LAMA3: variants seen among roughly 807,000 people sequenced by gnomAD.
The protein encoded by LAMA3 is laminin subunit alpha-3.
Under a neutral mutation model 402.0 loss-of-function variants are expected in LAMA3, and 281 were observed. That is an observed-to-expected ratio of 0.70 (90% CI 0.63 to 0.77). The LOEUF is 0.77. Ranked by LOEUF, LAMA3 falls within the 30% of genes least tolerant of loss-of-function variation. The pLI is 0.00. For missense variants in LAMA3, 3,840 were observed against 4,215.5 expected, an observed-to-expected ratio of 0.91 and a Z score of 2.47; for synonymous variants, 1,431 against 1,558.4, an observed-to-expected ratio of 0.92 and a Z score of 1.93.
chr18:23,716,449 G>A (rs2061101473), intron 2 of LAMA3, among the ~76,000 whole-genome samples: 1 of 152,266 alleles, frequency 6.6e-6, no homozygotes, highest in Admixed American at 6.5e-5. Flanking sequence ...GTAAGCCACC[G>A]TGACTGGCCT....
At position 23,909,525 on chromosome 18, in the gene LAMA3, C is replaced by T. The variant is rs377478217; in HGVS notation, c.7158+230C>T. ...ATCAGGATCCTGAAGCAATTTGCCC[C>T]CATTGAGTTTATTCAGGCAGAAAGA... On this transcript the variant is annotated intron_variant, in intron 55 of 74. Coordinates refer to ENST00000313654, the MANE Select transcript of LAMA3 (RefSeq NM_198129.4). 2.4e-3 allele frequency among the ~76,000 whole-genome samples: 367 copies of T among 152,282 alleles called. 2 individuals are homozygous for T. The highest frequency in any genetic ancestry group is 8.5e-3 in the African/African-American group (355 of 41,550).
chr18:23,846,581 C>T (rs544998252), intron 31 of LAMA3, 73 bp downstream of exon 31: 17 of 1,351,302 alleles, frequency 1.3e-5, no homozygotes, highest in East Asian at 7.4e-5. Context: ...GAGCAGGCTT[C>T]TTCAGTGGCA....
intron 31 of LAMA3, among the ~76,000 whole-genome samples, chr18:23,847,149 C>G (rs555038329): frequency 1.3e-5 from 2 of 152,312 alleles, no homozygotes; most frequent in South Asian, 2.1e-4. Context: ...CTTCAGGGAG[C>G]CTGAGAGCAG....
At chr18:23,717,153 A>C (rs1455177739) in intron 2 of LAMA3, among the ~76,000 whole-genome samples, 1 of 152,176 alleles carries the variant, frequency 6.6e-6, no homozygotes, top group Non-Finnish European at 1.5e-5. Context: ...TTGGAGCATG[A>C]CATGTTTTAA....
At chr18:23,788,251 G>C (rs1465690208) in intron 12 of LAMA3, among the ~76,000 whole-genome samples, 1 of 151,846 alleles carries the variant, frequency 6.6e-6, no homozygotes, top group Non-Finnish European at 1.5e-5. Context: ...TTAATATAGA[G>C]AGACATAATA....
chr18:23,735,992 A>G (rs1196492545), intron 2 of LAMA3, among the ~76,000 whole-genome samples: 1 of 152,064 alleles, frequency 6.6e-6, no homozygotes, highest in Non-Finnish European at 1.5e-5. Context: ...TTATTTGTTA[A>G]TTGGTTCAGA....
At chr18:23,836,896 A>G (rs927639264) in intron 24 of LAMA3, 85 bp from the exon 25 acceptor site, 3 of 929,530 alleles carry the variant, frequency 3.2e-6, no homozygotes, top group African/African-American at 3.2e-5. Context: ...GGTGAAACCA[A>G]AGAGCCATCA....
In LAMA3 at chr18:23,876,377, T is replaced by A; in HGVS notation, c.5082T>A (p.Asn1694Lys). Residue 1694 changes from asparagine to lysine, a missense_variant, in exon 39 of 75, where the codon AAT (asparagine) becomes AAA (lysine). Physicochemically the swap from Asn to Lys is moderately conservative, Grantham distance 94. Transcript: ENST00000313654. ...CCTGCAATTGCAACGGACATTCAAA[T>A]CAATGCCAGGATGGCTCAGGCATAT... ...CVPCNCNGHSNQCQDGSGICV... is the reference protein window; with the variant it reads ...CVPCNCNGHSKQCQDGSGICV... 1 of 1,613,636 alleles carries A rather than the reference T, an allele frequency of 6.2e-7. No individual in the cohort carries two copies. Among genetic ancestry groups the A allele is most frequent in the Non-Finnish European group, 8.5e-7 (1 of 1,179,484 alleles).
At chr18:23,785,775 C>T (rs958082433) in intron 12 of LAMA3, among the ~76,000 whole-genome samples, 1 of 152,094 alleles carries the variant, frequency 6.6e-6, no homozygotes, top group African/African-American at 2.4e-5. Context: ...TTTTTTCCTC[C>T]TCTCTACCAG....
intron 32 of LAMA3, among the ~76,000 whole-genome samples, chr18:23,850,382 G>C (rs1360909306): frequency 1.3e-5 from 2 of 152,186 alleles, no homozygotes; most frequent in Non-Finnish European, 2.9e-5. Context: ...TGTAGTTTTA[G>C]AGGCAATAAG....
rs370456236 is a variant in LAMA3 at position 23,750,969 on chromosome 18, T to C, written c.736T>C (p.Ser246Pro). 4 of 1,614,042 alleles carry C rather than the reference T, an allele frequency of 2.5e-6. No individual in the cohort carries two copies. The highest frequency in any genetic ancestry group is 3.4e-6 in the Non-Finnish European group (4 of 1,180,038). ...GRPGAKNFTF[S>P]HTLREFTKAT... The stretch of plus-strand genomic sequence containing the variant: ...TCCAGGTGCAAAAAATTTTACTTTC[T>C]CTCACACCCTGAGGGAGTTTACCAA... Residue 246 changes from serine (S) to proline (P), a missense_variant, in exon 5 of 75, where the codon TCT (serine) becomes CCT (proline). Physicochemically the swap from Ser to Pro is moderately conservative, Grantham distance 74 (BLOSUM62 -1). This residue lies in a region of LAMA3 where 2,109 missense variants were observed against 2,376.0 expected (regional missense o/e 0.89). Coordinates refer to ENST00000313654, the MANE Select transcript of LAMA3 (RefSeq NM_198129.4).
chr18:23,892,214 G>A (rs1468971171), intron 42 of LAMA3, among the ~76,000 whole-genome samples: 1 of 152,090 alleles, frequency 6.6e-6, no homozygotes, highest in African/African-American at 2.4e-5. Context: ...TCAACATCAC[G>A]CACAGCTTAC....
intron 42 of LAMA3, among the ~76,000 whole-genome samples, chr18:23,890,361 A>T (rs183165295): frequency 1.3e-4 from 20 of 150,972 alleles, no homozygotes; most frequent in Admixed American, 5.3e-4. Flanking sequence ...TTTTTTTTTT[A>T]AAAAGTGAAT....
chr18:23,935,052 T>C (rs1426968621), intron 67 of LAMA3, among the ~76,000 whole-genome samples: 1 of 152,222 alleles, frequency 6.6e-6, no homozygotes, highest in Non-Finnish European at 1.5e-5. Flanking sequence ...CACTTTTTCA[T>C]TGTAAGGCTG....
intron 39 of LAMA3, among the ~76,000 whole-genome samples, chr18:23,877,015 C>T (rs1159490730): frequency 2.6e-5 from 4 of 152,152 alleles, no homozygotes; most frequent in Non-Finnish European, 4.4e-5. Flanking sequence ...GAACAAAACT[C>T]GGTCTGCATT....
In LAMA3 at chr18:23,817,980, A is replaced by G. The variant is rs570064257; in HGVS notation, c.2147+1493A>G. ...ACCAGCCTGGCCAACATGGTGATAC[A>G]CTGTCTCTACTAAAAATACAAAAAA... On this transcript the variant is annotated intron_variant, in intron 18 of 74. Coordinates refer to ENST00000313654, the MANE Select transcript of LAMA3 (RefSeq NM_198129.4). Among the ~76,000 whole-genome samples the G allele has an allele frequency of 5.3e-5, 8 of 152,072 alleles. No homozygotes were observed. The South Asian group carries it at 1.0e-3, about 20-fold the overall frequency.
In LAMA3 at chr18:23,907,672, C is replaced by T. The variant is rs927121697; in HGVS notation, c.6835+6C>T. The T allele has an allele frequency of 1.9e-6, 3 of 1,610,118 alleles. No individual in the cohort carries two copies. The highest frequency in any genetic ancestry group is 2.6e-6 in the Non-Finnish European group (3 of 1,176,432). The stretch of plus-strand genomic sequence containing the variant: ...TCTTCATGGGATACAGAGAGGTCAG[C>T]ATCTTCCTAATCCATTGTACTCGGT... On this transcript the variant is annotated splice_donor_region_variant and intron_variant, in intron 53 of 74. Transcript: ENST00000313654.
intron 55 of LAMA3, 124 bp downstream of exon 55, chr18:23,909,419 T>A: frequency 1.1e-6 from 1 of 893,578 alleles, no homozygotes; most frequent in Non-Finnish European, 1.8e-6. Context: ...CCAATTCTTG[T>A]GTTGCTTGAA....
intron 36 of LAMA3, among the ~76,000 whole-genome samples, chr18:23,866,528 A>G (rs182974494): frequency 5.9e-5 from 9 of 152,338 alleles, no homozygotes; most frequent in Admixed American, 3.3e-4. Flanking sequence ...AAGATTTTAG[A>G]GTTATAGTCT....
Sources: allele counts gnomAD v4.1 joint callset (sites outside exome capture counted in the v4.1 genomes callset), GRCh38; gene constraint gnomAD v4.1.1; regional missense constraint gnomAD v4.1.1; transcripts MANE v1.5; gene names NCBI Gene and HGNC (gene_info 2026-07-23, HGNC 2026-07-21).